The following ATG7 variants were observed in gnomAD, a reference collection of about 807,000 sequenced individuals.
ATG7 encodes ubiquitin-like modifier-activating enzyme ATG7.
In ATG7, 70 loss-of-function variants were observed where a neutral mutation model predicts 82.4. That is an observed-to-expected ratio of 0.85 (90% CI 0.70 to 1.04). The LOEUF (loss-of-function observed/expected upper bound fraction) is 1.04, where lower values mean the gene tolerates loss of function less well. ATG7 is among the 50% of genes least tolerant of loss of function. ATG7 has a pLI of 0.00. For synonymous variants in ATG7, 287 were observed against 313.0 expected (o/e 0.92, Z 0.88); for missense variants, 792 against 864.3 (o/e 0.92, Z 1.05).
At chr3:11,506,004 G>A (rs1003174778) in intron 20 of ATG7, among the ~76,000 whole-genome samples, 11 of 152,136 alleles carry the variant, frequency 7.2e-5, no homozygotes, top group African/African-American at 2.4e-4. Context: ...TGAGTATCAC[G>A]TAAAGTCATG....
chr3:11,320,987 G>C (rs937346511), intron 9 of ATG7, among the ~76,000 whole-genome samples: 1 of 152,202 alleles, frequency 6.6e-6, no homozygotes, highest in Non-Finnish European at 1.5e-5. Context: ...GGTTACTGGC[G>C]TGACAGGAGA....
At chr3:11,386,383 AAT>A (rs995639706) in intron 19 of ATG7, among the ~76,000 whole-genome samples, 1 of 152,180 alleles carries the variant, frequency 6.6e-6, no homozygotes, top group African/African-American at 2.4e-5. Flanking sequence ...CTTGACTTAA[AAT>A]ATATATGTAT....
intron 20 of ATG7, among the ~76,000 whole-genome samples, chr3:11,432,336 T>C (rs2082968539): frequency 6.6e-6 from 1 of 152,124 alleles, no homozygotes; most frequent in Admixed American, 6.5e-5. Context: ...TAAAAAAAAT[T>C]TTAATGAGAA....
chr3:11,272,704 C>T (rs1316841523), intron 1 of ATG7: 2 of 152,236 alleles, frequency 1.3e-5, no homozygotes, highest in African/African-American at 4.8e-5. Flanking sequence ...CCCTCCTGTC[C>T]TCTTGGTAGG....
chr3:11,473,076 G>A (rs2087729453), intron 20 of ATG7, among the ~76,000 whole-genome samples: 1 of 152,038 alleles, frequency 6.6e-6, no homozygotes, highest in African/African-American at 2.4e-5. Context: ...CTGATATTCA[G>A]CCCTGACTGC....
At position 11,543,794 on chromosome 3, in the gene ATG7, C is replaced by T. The variant is rs186580955; in HGVS notation, c.2080-11017C>T. On this transcript the variant is annotated intron_variant, in intron 20 of 20. Transcript: ENST00000693202. ...GCGCACGCCTGTTATCCCGGCTACT[C>T]AGGAGGCTGAGGCACGAGAATTGCT... Among the ~76,000 whole-genome samples the T allele has an allele frequency of 1.1e-4, 16 of 152,318 alleles. No homozygotes were observed. The East Asian group carries it at 3.1e-3, about 29-fold the overall frequency.
At chr3:11,471,741 A>ATTTCTT (rs2087549591) in intron 20 of ATG7, among the ~76,000 whole-genome samples, 2 of 30,404 alleles carry the variant, frequency 6.6e-5, no homozygotes, top group Non-Finnish European at 5.8e-5. Context: ...GGCTTTTTAG[A>ATTTCTT]TTTCTTTTTT....
At chr3:11,429,117 G>A (rs984698846) in intron 20 of ATG7, among the ~76,000 whole-genome samples, 2 of 152,130 alleles carry the variant, frequency 1.3e-5, no homozygotes, top group African/African-American at 4.8e-5. Context: ...AAACTGTTTG[G>A]CCTGTGAGCC....
intron 20 of ATG7, among the ~76,000 whole-genome samples, chr3:11,466,002 A>C (rs1190942669): frequency 6.6e-6 from 1 of 152,334 alleles, no homozygotes; most frequent in South Asian, 2.1e-4. Flanking sequence ...AGAGGGCAGT[A>C]AAATTTAGCT....
At chr3:11,573,327 GAAAGAAAGAAAGAAAGA>G in the ATG7 span, among the ~76,000 whole-genome samples, 5 of 39,518 alleles carry the variant, frequency 1.3e-4, no homozygotes, top group East Asian at 3.3e-3. Context: ...AAGAAAGAAA[GAAAGAAAGAAAGAAAGA>G]AAGAAAGAAA....
At chr3:11,381,173 G>A (rs1050680113) in intron 19 of ATG7, among the ~76,000 whole-genome samples, 1 of 152,214 alleles carries the variant, frequency 6.6e-6, no homozygotes, top group African/African-American at 2.4e-5. Flanking sequence ...TTACCCATGA[G>A]CCCATTCTTT....
At chr3:11,296,822 C>T (rs1013659373) in intron 3 of ATG7, among the ~76,000 whole-genome samples, 1 of 152,182 alleles carries the variant, frequency 6.6e-6, no homozygotes, top group Admixed American at 6.5e-5. Context: ...TCACTCAGTG[C>T]CCATCTGCTT....
At chr3:11,318,597 A>T (rs760303209) in intron 9 of ATG7, among the ~76,000 whole-genome samples, 1 of 152,094 alleles carries the variant, frequency 6.6e-6, no homozygotes, top group Non-Finnish European at 1.5e-5. Context: ...TGTAAATTTG[A>T]TCATGTAACT....
At chr3:11,328,522 T>C (rs1443441572) in intron 9 of ATG7, among the ~76,000 whole-genome samples, 4 of 152,240 alleles carry the variant, frequency 2.6e-5, no homozygotes, top group Non-Finnish European at 5.9e-5. Context: ...AAAAAATGCT[T>C]CAATTTTAGG....
chr3:11,536,809 G>A (rs1475468931), intron 20 of ATG7, among the ~76,000 whole-genome samples: 2 of 152,166 alleles, frequency 1.3e-5, no homozygotes, highest in Admixed American at 1.3e-4. Flanking sequence ...ACCCCTCTCT[G>A]AGCCTCCATC....
chr3:11,308,106 A>T (rs1291844175), intron 6 of ATG7, among the ~76,000 whole-genome samples: 1 of 152,116 alleles, frequency 6.6e-6, no homozygotes, highest in Non-Finnish European at 1.5e-5. Flanking sequence ...CTTACCGGAA[A>T]CTGGGGGCCT....
At chr3:11,561,173 G>A (rs539437645), downstream of ATG7, among the ~76,000 whole-genome samples, 2 of 152,256 alleles carry the variant, frequency 1.3e-5, no homozygotes, top group African/African-American at 2.4e-5. Context: ...TGCTCAGCCG[G>A]CTTGTTCTTT....
At chr3:11,537,626 C>T (rs181371950) in intron 20 of ATG7, among the ~76,000 whole-genome samples, 403 of 152,298 alleles carry the variant, frequency 2.6e-3, no homozygotes, top group Non-Finnish European at 4.9e-3. Flanking sequence ...ACATGCAACA[C>T]GAACTCCTCA....
intron 14 of ATG7, among the ~76,000 whole-genome samples, chr3:11,351,165 G>C (rs2075513340): frequency 6.6e-6 from 1 of 152,138 alleles, no homozygotes; most frequent in South Asian, 2.1e-4. Context: ...GTGTATTTAA[G>C]ACCTCCCGTG....
Sources: allele counts gnomAD v4.1 joint callset (sites outside exome capture counted in the v4.1 genomes callset), GRCh38; gene constraint gnomAD v4.1.1; transcripts MANE v1.5; gene names NCBI Gene and HGNC (gene_info 2026-07-23, HGNC 2026-07-21).